SYCP2L: variants seen among roughly 807,000 people sequenced by gnomAD.
SYCP2L encodes the protein synaptonemal complex protein 2-like.
Under a neutral mutation model 125.8 loss-of-function variants are expected in SYCP2L, and 98 were observed. The ratio of observed to expected loss-of-function variants is 0.78; its 90% CI spans 0.66 to 0.92. The LOEUF is 0.92. Among genes scored for constraint, SYCP2L ranks in the 40% least tolerant of loss-of-function variants. SYCP2L has a pLI of 0.00. For synonymous variants in SYCP2L, 317 were observed against 325.4 expected (o/e 0.97, Z 0.28); for missense variants, 842 against 936.4 (o/e 0.90, Z 1.32).
chr6:10,941,097 G>A lies in SYCP2L; in HGVS notation c.1814-1362G>A, dbSNP rs147635092. On this transcript the variant is annotated intron_variant, in intron 21 of 29. Coordinates refer to ENST00000283141, the MANE Select transcript of SYCP2L (RefSeq NM_001040274.3). Reference sequence around the variant, plus strand: ...GTGGTGCTGGGAAAATCGTCTAGCCGTATGTAGAAAGCTGAAACTGGATCC... The same window carrying A: ...GTGGTGCTGGGAAAATCGTCTAGCCATATGTAGAAAGCTGAAACTGGATCC... Among the ~76,000 whole-genome samples, 876 of 152,222 alleles carry A rather than the reference G, an allele frequency of 5.8e-3. 7 individuals are homozygous for A. The highest frequency in any genetic ancestry group is 0.02 in the African/African-American group (822 of 41,546).
chr6:10,950,394 A>G (rs768733515), intron 23 of SYCP2L, among the ~76,000 whole-genome samples: 2 of 152,024 alleles, frequency 1.3e-5, no homozygotes, highest in Admixed American at 6.6e-5. Flanking sequence ...CTCTGTTGGT[A>G]TTACTTTACT....
intron 16 of SYCP2L, among the ~76,000 whole-genome samples, chr6:10,926,781 C>CT (rs774954530): frequency 0.4 from 54,900 of 136,382 alleles, 11,537 homozygotes; most frequent in Admixed American, 0.52. Context: ...GATTTCTTTT[C>CT]TTTTTTTTTT....
chr6:10,930,201 A>G, intron 18 of SYCP2L, 169 bp from the exon 19 acceptor site: 1 of 601,702 alleles, frequency 1.7e-6, no homozygotes. Context: ...TGACTGATGG[A>G]ATAATCCTTT....
chr6:10,930,750 GAT>G lies in SYCP2L; in HGVS notation c.1633+238_1633+239del, dbSNP rs1181462709. Among the ~76,000 whole-genome samples, 4 of 152,182 alleles carry G rather than the reference GAT, an allele frequency of 2.6e-5. No homozygotes were observed. The East Asian group carries it at 7.7e-4, about 29-fold the overall frequency. On this transcript the variant is annotated intron_variant, in intron 19 of 29. Coordinates refer to ENST00000283141, the MANE Select transcript of SYCP2L (RefSeq NM_001040274.3). Reference sequence around the variant, plus strand: ...TTTGTATAAATGGAGTAGAAATTCAGATAAGAGGAATCTGTCATGAGCTGGAA... The same window carrying G: ...TTTGTATAAATGGAGTAGAAATTCAGAAGAGGAATCTGTCATGAGCTGGAA...
chr6:10,903,930 A>C (rs1224999173), intron 8 of SYCP2L, among the ~76,000 whole-genome samples: 1 of 152,114 alleles, frequency 6.6e-6, no homozygotes, highest in Non-Finnish European at 1.5e-5. Context: ...GAATGTTAAG[A>C]GTACAGACGG....
intron 29 of SYCP2L, 68 bp downstream of exon 29, chr6:10,963,911 A>T: frequency 8.3e-7 from 1 of 1,203,394 alleles, no homozygotes; most frequent in Non-Finnish European, 1.2e-6. Context: ...AAGCTCTAAA[A>T]GATACTGTAA....
At chr6:10,934,600 A>G (rs577910825) in intron 20 of SYCP2L, among the ~76,000 whole-genome samples, 1 of 152,328 alleles carries the variant, frequency 6.6e-6, no homozygotes, top group South Asian at 2.1e-4. Context: ...GAATTGCTTG[A>G]ACTCAGTAGG....
chr6:10,969,555 G>A lies in SYCP2L; in HGVS notation c.*38-4397G>A, dbSNP rs183011029. Among the ~76,000 whole-genome samples the A allele has an allele frequency of 3.2e-3, 489 of 151,582 alleles. 3 individuals are homozygous for A. Among genetic ancestry groups the A allele is most frequent in the African/African-American group, 0.011 (469 of 41,294 alleles). Reference sequence around the variant, plus strand: ...TTTTTTTTGTATTTTTAGTAGAGACGGGGTTTCACCGTTTTAGCCAGGATG... The same window carrying A: ...TTTTTTTTGTATTTTTAGTAGAGACAGGGTTTCACCGTTTTAGCCAGGATG... On this transcript the variant is annotated intron_variant, in intron 29 of 29. Transcript: ENST00000283141.
At chr6:10,933,357 C>G (rs1453019588) in intron 20 of SYCP2L, among the ~76,000 whole-genome samples, 2 of 152,190 alleles carry the variant, frequency 1.3e-5, no homozygotes, top group African/African-American at 4.8e-5. Context: ...TCTAATAAAA[C>G]TTTGCTTTCA....
intron 6 of SYCP2L, among the ~76,000 whole-genome samples, chr6:10,900,503 C>G (rs2113298111): frequency 1.3e-5 from 2 of 152,238 alleles, no homozygotes; most frequent in Middle Eastern, 6.8e-3. Flanking sequence ...CAAGCGTGTG[C>G]CACCACGCCT....
chr6:10,891,375 A>T, intron 1 of SYCP2L, 138 bp from the exon 2 acceptor site: 1 of 669,736 alleles, frequency 1.5e-6, no homozygotes, highest in Admixed American at 3.0e-5. Flanking sequence ...CTATAATATG[A>T]GCAAACAAAA....
At chr6:10,887,780 T>C (rs1383826543) in intron 1 of SYCP2L, among the ~76,000 whole-genome samples, 1 of 152,206 alleles carries the variant, frequency 6.6e-6, no homozygotes, top group African/African-American at 2.4e-5. Flanking sequence ...GGGTAACTGC[T>C]TGCCTAGATC....
rs573069872 is a variant in SYCP2L, at chr6:10,951,697, G to A, written c.1955-3419G>A. 3.0e-4 allele frequency among the ~76,000 whole-genome samples: 45 copies of A among 152,288 alleles called. 1 individual carries two copies. The South Asian group carries it at 6.6e-3, about 22-fold the overall frequency. On this transcript the variant is annotated intron_variant, in intron 23 of 29. Coordinates refer to ENST00000283141, the MANE Select transcript of SYCP2L (RefSeq NM_001040274.3). Reference sequence around the variant, plus strand: ...GGGAAAGCGCTGTAAAAACCACAGAGGATCTTTTGGTAGATTCTGTTCTTG... The same window carrying A: ...GGGAAAGCGCTGTAAAAACCACAGAAGATCTTTTGGTAGATTCTGTTCTTG...
intron 21 of SYCP2L, among the ~76,000 whole-genome samples, chr6:10,941,813 C>G (rs1781225986): frequency 6.6e-6 from 1 of 152,030 alleles, no homozygotes; most frequent in African/African-American, 2.4e-5. Context: ...GGTATATACC[C>G]AAAGGATTAT....
intron 29 of SYCP2L, among the ~76,000 whole-genome samples, chr6:10,972,241 T>C (rs1389513918): frequency 6.6e-6 from 1 of 152,170 alleles, no homozygotes; most frequent in Non-Finnish European, 1.5e-5. Context: ...TGTTTTCTTT[T>C]GAGGAAATAG....
At chr6:10,922,357 T>C (rs1320972163) in intron 14 of SYCP2L, among the ~76,000 whole-genome samples, 1 of 152,134 alleles carries the variant, frequency 6.6e-6, no homozygotes, top group Non-Finnish European at 1.5e-5. Context: ...GCCCTTCTGG[T>C]TATGGAGTTG....
chr6:10,944,902 C>T (rs1057018233), intron 23 of SYCP2L, among the ~76,000 whole-genome samples: 4 of 151,976 alleles, frequency 2.6e-5, no homozygotes, highest in Admixed American at 2.0e-4. Context: ...TTAGTAGCAA[C>T]GGGGTTTCGC....
chr6:10,910,505 G>A (rs1344381587), intron 11 of SYCP2L, among the ~76,000 whole-genome samples: 1 of 152,188 alleles, frequency 6.6e-6, no homozygotes, highest in Non-Finnish European at 1.5e-5. Context: ...CTGACTTGAG[G>A]TTGCTGGAGG....
rs574149734 is a variant in SYCP2L, at chr6:10,926,542, G to A, written c.1312+110G>A. ...GTGGTCATATGAGTGATGCGTGTCT[G>A]ATGGCACTTCTGGAGGAAGAAGAGT... On this transcript the variant is annotated intron_variant, in intron 16 of 29. Transcript: ENST00000283141. The A allele has an allele frequency of 3.9e-6, 3 of 760,002 alleles. No individual in the cohort carries two copies. The Admixed American group carries it at 7.2e-5, about 18-fold the overall frequency. The allele number at this position is 760,002 out of a possible 1,614,324, so 47.1% of individuals were successfully genotyped here.
Sources: allele counts gnomAD v4.1 joint callset (sites outside exome capture counted in the v4.1 genomes callset), GRCh38; gene constraint gnomAD v4.1.1; transcripts MANE v1.5; gene names NCBI Gene and HGNC (gene_info 2026-07-23, HGNC 2026-07-21).